CDKN2B: variants seen among roughly 807,000 people sequenced by gnomAD.
CDKN2B encodes cyclin dependent kinase inhibitor 2B, also known as cyclin-dependent kinase 4 inhibitor B.
A neutral mutation model predicts 7.7 loss-of-function variants in CDKN2B; 8 were observed. The observed-to-expected ratio is 1.04, with a 90% CI of 0.61 to 1.87. The LOEUF is 1.87. CDKN2B is among the 40% of genes most tolerant of loss of function. The probability of loss-of-function intolerance (pLI) is 0.00; values close to 1 mark genes in which losing one functional copy is unlikely to be tolerated. For missense variants in CDKN2B, 244 were observed against 213.1 expected, an observed-to-expected ratio of 1.15 and a Z score of -0.90; for synonymous variants, 93 against 95.8, an observed-to-expected ratio of 0.97 and a Z score of 0.17.
rs773447852 is a variant in CDKN2B, at chr9:22,006,059, CA to C, written c.344del (p.Leu115ArgfsTer50). 6 of 1,605,748 alleles carry C rather than the reference CA, an allele frequency of 3.7e-6. No homozygotes were observed. Among genetic ancestry groups the C allele is most frequent in the South Asian group, 2.2e-5 (2 of 90,982 alleles). On this transcript the variant is annotated frameshift_variant, in exon 2 of 2. Transcript: ENST00000276925. LOFTEE classifies it high-confidence loss of function. This position sits in a 1 kb window ranked among gnomAD's most constrained non-coding sequence, Gnocchi z 6.4. ...CCCGCTCCTCGGCCAAGTCCACGGG[CA>C]GACGACCCCAGGCATCGCGCACGTC... ...RLDVRDAWGR[L>X]PVDLAEERGH...
chr9:22,003,143 C>G lies in CDKN2B; in HGVS notation c.*2844G>C, dbSNP rs1172585660. The G allele has an allele frequency of 4.6e-6, 1 of 216,844 alleles. No homozygotes were observed. The highest frequency in any genetic ancestry group is 9.3e-6 in the Non-Finnish European group (1 of 107,996). 13.4% of individuals were successfully genotyped at this position (216,844 alleles called of 1,614,324 possible). A position where few individuals can be genotyped will look rare whatever the true frequency, so the allele number is the denominator to read the frequency against. On this transcript the variant is annotated 3_prime_UTR_variant, in exon 2 of 2. Coordinates refer to ENST00000276925, the MANE Select transcript of CDKN2B (RefSeq NM_004936.4). ...AAATTTAACAGTATATATTAGGCTG[C>G]TGATGAAACAGCTAAACCTGTCTGC...
At position 22,004,379 on chromosome 9, in the gene CDKN2B, G is replaced by T. The variant is rs1420827973; in HGVS notation, c.*1608C>A. Reference sequence around the variant, plus strand: ...ATGAGCATTTAGAAGCATAATACATGTATACACTTTGTGTTTAATTTTCTA... The same window carrying T: ...ATGAGCATTTAGAAGCATAATACATTTATACACTTTGTGTTTAATTTTCTA... On this transcript the variant is annotated 3_prime_UTR_variant, in exon 2 of 2. Transcript: ENST00000276925. 4.3e-6 allele frequency: 1 copy of T among 231,854 alleles called. No homozygotes were observed. The highest frequency in any genetic ancestry group is 2.2e-5 in the African/African-American group (1 of 45,266). The allele number at this position is 231,854 out of a possible 1,614,324, so 14.4% of individuals were successfully genotyped here. A position where few individuals can be genotyped will look rare whatever the true frequency, so the allele number is the denominator to read the frequency against.
In CDKN2B at chr9:22,005,615, G is replaced by A. The variant is rs557999070; in HGVS notation, c.*372C>T. 6.7e-6 allele frequency: 3 copies of A among 445,384 alleles called. No individual in the cohort carries two copies. The Admixed American group carries it at 1.1e-4, about 16-fold the overall frequency. 27.6% of individuals were successfully genotyped at this position (445,384 alleles called of 1,614,324 possible). A position where few individuals can be genotyped will look rare whatever the true frequency, so the allele number is the denominator to read the frequency against. On this transcript the variant is annotated 3_prime_UTR_variant, in exon 2 of 2. Coordinates refer to ENST00000276925, the MANE Select transcript of CDKN2B (RefSeq NM_004936.4). The surrounding 1 kb of genome is among the most constrained non-coding windows in gnomAD (Gnocchi z 4.9). ...TAATCACTGCCTTCTCCCACTCAGC[G>A]CTGGAGTGGGAGATTCATCCATCGG...
Position 22,005,795 on chromosome 9 carries a change from A to T in CDKN2B, c.*192T>A. The T allele has an allele frequency of 7.2e-6, 5 of 697,464 alleles. No homozygotes were observed. The highest frequency in any genetic ancestry group is 1.2e-5 in the Non-Finnish European group (5 of 411,584). 43.2% of individuals were successfully genotyped at this position (697,464 alleles called of 1,614,324 possible). On this transcript the variant is annotated 3_prime_UTR_variant, in exon 2 of 2. Transcript: ENST00000276925. This position sits in a 1 kb window ranked among gnomAD's most constrained non-coding sequence, Gnocchi z 4.9. ...CGCTTCATGGTGAGTGTCGAGGGCCAGATAAGACAAAGAAAAAAATGTATG... is the reference window on the plus strand; with the variant it reads ...CGCTTCATGGTGAGTGTCGAGGGCCTGATAAGACAAAGAAAAAAATGTATG...
In CDKN2B at chr9:22,005,554, T is replaced by C. The variant is rs932422554; in HGVS notation, c.*433A>G. 36 of 384,054 alleles carry C rather than the reference T, an allele frequency of 9.4e-5. No homozygotes were observed. Among genetic ancestry groups the C allele is most frequent in the African/African-American group, 6.6e-4 (33 of 49,744 alleles). 23.8% of individuals were successfully genotyped at this position (384,054 alleles called of 1,614,324 possible). A position where few individuals can be genotyped will look rare whatever the true frequency, so the allele number is the denominator to read the frequency against. On this transcript the variant is annotated 3_prime_UTR_variant, in exon 2 of 2. Transcript: ENST00000276925. The surrounding 1 kb of genome is among the most constrained non-coding windows in gnomAD (Gnocchi z 4.9). ...GTTCACCATAACTCCTCAGCAGACA[T>C]TGGAGTGAACGCATCGACTGCCGTC... is the stretch of plus-strand genomic sequence containing the variant.
rs546509178 is a variant in CDKN2B, at chr9:22,008,747, C to T, written c.156+51G>A. 5.6e-6 allele frequency: 9 copies of T among 1,610,516 alleles called. 1 individual carries two copies. In the African/African-American group the frequency reaches 9.3e-5, roughly 17 times the overall value. The stretch of plus-strand genomic sequence containing the variant: ...TTCCAGCCCCGATCCGCCGAGGCCG[C>T]GCCCCGCGTTCGCGCGCCCCCTGCC... On this transcript the variant is annotated intron_variant, in intron 1 of 1. Transcript: ENST00000276925.
chr9:22,005,892 C>G lies in CDKN2B; in HGVS notation c.*95G>C, dbSNP rs1821148030. On this transcript the variant is annotated 3_prime_UTR_variant, in exon 2 of 2. Transcript: ENST00000276925. This position sits in a 1 kb window ranked among gnomAD's most constrained non-coding sequence, Gnocchi z 4.9. The stretch of plus-strand genomic sequence containing the variant: ...GCTTGCAGGCTTACAGGCTTTCCGC[C>G]GCTCCCCGTTGGCAGCCTTCATCGA... 1.3e-6 allele frequency: 2 copies of G among 1,507,412 alleles called. No individual in the cohort carries two copies. Among genetic ancestry groups the G allele is most frequent in the African/African-American group, 1.4e-5 (1 of 73,082 alleles). The allele number at this position is 1,507,412 out of a possible 1,614,324, so 93.4% of individuals were successfully genotyped here.
intron 1 of CDKN2B, among the ~76,000 whole-genome samples, chr9:22,007,001 G>A (rs1423173422): frequency 2.6e-5 from 4 of 152,032 alleles, no homozygotes; most frequent in African/African-American, 7.2e-5. Flanking sequence ...AACTATATTT[G>A]TATACTACAG....
rs1263390814 is a variant in CDKN2B at position 22,008,908 on chromosome 9, C to T, written c.46G>A (p.Glu16Lys). ...KGMPSGGGSD[E>K]GLASAAARGL... Reference sequence around the variant, plus strand: ...CGCGCCGCGGCGCTGGCCAGACCCTCATCGCTGCCGCCCCCACTGGGCATG... The same window carrying T: ...CGCGCCGCGGCGCTGGCCAGACCCTTATCGCTGCCGCCCCCACTGGGCATG... Residue 16 changes from glutamate to lysine, a missense_variant, in exon 1 of 2, where the codon GAG (glutamate) becomes AAG (lysine). Transcript: ENST00000276925. 1 of 1,612,974 alleles carries T rather than the reference C, an allele frequency of 6.2e-7. No homozygotes were observed.
Position 22,009,096 on chromosome 9 carries a change from C to T in CDKN2B, c.-143G>A. ...GGGCTCAGCTTCATTACCCTCCCGT[C>T]GTCCTTCTGCGGCTTGGGGCCCCGT... is the stretch of plus-strand genomic sequence containing the variant. On this transcript the variant is annotated 5_prime_UTR_variant, in exon 1 of 2. Transcript: ENST00000276925. 7.8e-7 allele frequency: 1 copy of T among 1,282,496 alleles called. No homozygotes were observed. Among genetic ancestry groups the T allele is most frequent in the Middle Eastern group, 2.6e-4 (1 of 3,798 alleles). 79.4% of individuals were successfully genotyped at this position (1,282,496 alleles called of 1,614,324 possible).
At position 22,006,259 on chromosome 9, in the gene CDKN2B, A is replaced by G. The variant is rs771295942; in HGVS notation, c.157-12T>C. ...CCCATCATCATGACCTGCCAGAGAG[A>G]GCAGAGTGGTCAGAGCCAGGGTGGG... On this transcript the variant is annotated splice_polypyrimidine_tract_variant and intron_variant, in intron 1 of 1. Transcript: ENST00000276925. This position sits in a 1 kb window ranked among gnomAD's most constrained non-coding sequence, Gnocchi z 6.4. 26 of 1,602,816 alleles carry G rather than the reference A, an allele frequency of 1.6e-5. No individual in the cohort carries two copies. In the East Asian group the frequency reaches 5.1e-4, roughly 32 times the overall value.
intron 1 of CDKN2B, among the ~76,000 whole-genome samples, chr9:22,007,770 T>A (rs1821266306): frequency 6.6e-6 from 1 of 152,216 alleles, no homozygotes; most frequent in Non-Finnish European, 1.5e-5. Flanking sequence ...CAGAAAATGG[T>A]GAATTACATA....
rs3217991 is a variant in CDKN2B at position 22,003,299 on chromosome 9, C to CAA, written c.*2686_*2687dup. 1.1e-3 allele frequency: 249 copies of CAA among 217,172 alleles called. 3 individuals carry two copies. Among genetic ancestry groups the CAA allele is most frequent in the East Asian group, 1.7e-3 (24 of 14,238 alleles). The allele number at this position is 217,172 out of a possible 1,614,324, so 13.5% of individuals were successfully genotyped here. On this transcript the variant is annotated 3_prime_UTR_variant, in exon 2 of 2. Coordinates refer to ENST00000276925, the MANE Select transcript of CDKN2B (RefSeq NM_004936.4). ...AAATAAAAAAAACTAACAAAACAAA[C>CAA]AAAAAAAACAGTGTAATATAGTACT...
At chr9:22,008,560 G>T in intron 1 of CDKN2B, 2 of 1,103,282 alleles carry the variant, frequency 1.8e-6, no homozygotes, top group Admixed American at 2.6e-5. Context: ...TTGCATCTCT[G>T]ATCATGAGAT....
Position 22,009,184 on chromosome 9 carries a change from G to A in CDKN2B, c.-231C>T. On this transcript the variant is annotated 5_prime_UTR_variant, in exon 1 of 2. Coordinates refer to ENST00000276925, the MANE Select transcript of CDKN2B (RefSeq NM_004936.4). ...TCCTGGCGCTCAAGAACCAGCGGGCGCGCCTGGATTGCTTCTGGGAAAAAG... is the reference window on the plus strand; with the variant it reads ...TCCTGGCGCTCAAGAACCAGCGGGCACGCCTGGATTGCTTCTGGGAAAAAG... 2 of 639,410 alleles carry A rather than the reference G, an allele frequency of 3.1e-6. No individual in the cohort carries two copies. Among genetic ancestry groups the A allele is most frequent in the East Asian group, 2.8e-5 (1 of 35,816 alleles). The allele number at this position is 639,410 out of a possible 1,614,324, so 39.6% of individuals were successfully genotyped here. A position where few individuals can be genotyped will look rare whatever the true frequency, so the allele number is the denominator to read the frequency against.
rs1158819457 is a variant in CDKN2B, at chr9:22,008,778, G to A, written c.156+20C>T. 1 of 1,607,700 alleles carries A rather than the reference G, an allele frequency of 6.2e-7. No individual in the cohort carries two copies. ...GCGTTCGCGCGCCCCCTGCCGGCGA[G>A]GCCCTGGGGCCCCAGCTACCTGGAT... On this transcript the variant is annotated intron_variant, in intron 1 of 1. Transcript: ENST00000276925.
chr9:22,005,984 G>C lies in CDKN2B; in HGVS notation c.*3C>G. On this transcript the variant is annotated 3_prime_UTR_variant, in exon 2 of 2. Coordinates refer to ENST00000276925, the MANE Select transcript of CDKN2B (RefSeq NM_004936.4). The surrounding 1 kb of genome is among the most constrained non-coding windows in gnomAD (Gnocchi z 4.9). ...TCGTTGTGGGCGGCTGGGGAACCTG[G>C]CGTCAGTCCCCCGTGGCTGTGCGCA... 6.2e-7 allele frequency: 1 copy of C among 1,601,468 alleles called. No homozygotes were observed. The highest frequency in any genetic ancestry group is 8.5e-7 in the Non-Finnish European group (1 of 1,179,796).
chr9:22,005,539 ACTC>A lies in CDKN2B; in HGVS notation c.*445_*447del. Reference sequence around the variant, plus strand: ...GGGCCTAAGTTGTGGGTTCACCATAACTCCTCAGCAGACATTGGAGTGAACGCA... The same window carrying A: ...GGGCCTAAGTTGTGGGTTCACCATAACTCAGCAGACATTGGAGTGAACGCA... On this transcript the variant is annotated 3_prime_UTR_variant, in exon 2 of 2. Coordinates refer to ENST00000276925, the MANE Select transcript of CDKN2B (RefSeq NM_004936.4). The surrounding 1 kb of genome is among the most constrained non-coding windows in gnomAD (Gnocchi z 4.9). The A allele has an allele frequency of 3.0e-6, 1 of 333,256 alleles. No homozygotes were observed. The highest frequency in any genetic ancestry group is 5.6e-6 in the Non-Finnish European group (1 of 178,796). 20.6% of individuals were successfully genotyped at this position (333,256 alleles called of 1,614,324 possible).
chr9:22,005,993 C>T lies in CDKN2B; in HGVS notation c.411G>A (p.Gly137=), dbSNP rs757876781. 1.9e-6 allele frequency: 3 copies of T among 1,602,154 alleles called. No homozygotes were observed. The highest frequency in any genetic ancestry group is 2.5e-6 in the Non-Finnish European group (3 of 1,179,810). ...GCGGCTGGGGAACCTGGCGTCAGTC[C>T]CCCGTGGCTGTGCGCAGGTACCCTG... ...DVAGYLRTAT[G]D The change falls in exon 2 of 2, where the codon GGG becomes GGA. Residue 137 remains glycine, a synonymous_variant. Transcript: ENST00000276925. This position sits in a 1 kb window ranked among gnomAD's most constrained non-coding sequence, Gnocchi z 4.9.
Sources: gnomAD v4.1 joint callset for allele counts (sites outside exome capture counted in the v4.1 genomes callset) on GRCh38, gnomAD v4.1.1 for gene constraint, Gnocchi (gnomAD v3.1) non-coding constraint, MANE v1.5 for transcripts, NCBI Gene and HGNC (gene_info 2026-07-23, HGNC 2026-07-21) for gene names.